The following RGS12 variants were observed in gnomAD, a reference collection of about 807,000 sequenced individuals.
The protein encoded by RGS12 is regulator of G-protein signaling 12.
In RGS12, 66 loss-of-function variants were observed where a neutral mutation model predicts 120.1. The ratio of observed to expected loss-of-function variants is 0.55; its 90% CI spans 0.45 to 0.67. The LOEUF (loss-of-function observed/expected upper bound fraction) is 0.67, where lower values mean the gene tolerates loss of function less well. Among genes scored for constraint, RGS12 ranks in the 30% least tolerant of loss-of-function variants. RGS12 has a pLI of 0.00. For synonymous variants in RGS12, 827 were observed against 804.7 expected, an observed-to-expected ratio of 1.03 and a Z score of -0.47; for missense variants, 1,859 against 1,957.7, an observed-to-expected ratio of 0.95 and a Z score of 0.95.
At chr4:3,362,543 G>GT (rs1227732523) in intron 3 of RGS12, among the ~76,000 whole-genome samples, 2 of 137,100 alleles carry the variant, frequency 1.5e-5, no homozygotes, top group African/African-American at 5.5e-5. Flanking sequence ...GTGAGGGTTT[G>GT]TGTGAGGGTG....
chr4:3,383,193 C>G (rs1009304964), intron 3 of RGS12, among the ~76,000 whole-genome samples: 1 of 152,188 alleles, frequency 6.6e-6, no homozygotes, highest in Non-Finnish European at 1.5e-5. Flanking sequence ...GTGGCTGAGG[C>G]TCACTGCGGG....
intron 12 of RGS12, 50 bp downstream of exon 12, chr4:3,423,028 G>T (rs780228212): frequency 6.8e-7 from 1 of 1,461,010 alleles, no homozygotes; most frequent in Non-Finnish European, 9.6e-7. Context: ...AGCCAACCCC[G>T]TGTGCCCACC....
At chr4:3,333,105 G>A (rs1271819889) in intron 2 of RGS12, among the ~76,000 whole-genome samples, 1 of 150,424 alleles carries the variant, frequency 6.6e-6, no homozygotes, top group African/African-American at 2.5e-5. Context: ...CTGGAGTGCA[G>A]TGGCGCGATC....
In RGS12 at chr4:3,316,074, C is replaced by A. The variant is rs1560652242; in HGVS notation, c.-97C>A. ...CTGTTCGTTTTTCTTTCTTAGGGCA[C>A]TGTTTGAAGAAGCAAACATGGTAGC... On this transcript the variant is annotated 5_prime_UTR_variant, in exon 2 of 18. In the 5' UTR this introduces an upstream ATG that the reference lacks. Coordinates refer to ENST00000336727, the MANE Select transcript of RGS12 (RefSeq NM_001394154.1). 5 of 1,267,996 alleles carry A rather than the reference C, an allele frequency of 3.9e-6. No homozygotes were observed. 78.5% of individuals were successfully genotyped at this position (1,267,996 alleles called of 1,614,324 possible).
At chr4:3,371,481 C>T (rs1167603469) in intron 3 of RGS12, among the ~76,000 whole-genome samples, 1 of 152,032 alleles carries the variant, frequency 6.6e-6, no homozygotes, top group Non-Finnish European at 1.5e-5. Flanking sequence ...TTTTTTATTC[C>T]GAGTAAAGTC....
chr4:3,335,963 G>A (rs543349379), intron 2 of RGS12, among the ~76,000 whole-genome samples: 20 of 152,260 alleles, frequency 1.3e-4, no homozygotes, highest in African/African-American at 4.8e-4. Flanking sequence ...ATGGTGGTGC[G>A]TGCCTGTAGT....
At chr4:3,312,429 C>T (rs56695034) in intron 1 of RGS12, 3,229 of 206,442 alleles carry the variant, frequency 0.016, 87 homozygotes, top group African/African-American at 0.057. Context: ...ACGTGGTGAA[C>T]ACTGTGGACC....
intron 3 of RGS12, among the ~76,000 whole-genome samples, chr4:3,352,734 G>A (rs1714481579): frequency 6.6e-6 from 1 of 152,210 alleles, no homozygotes; most frequent in African/African-American, 2.4e-5. Context: ...GCGTATGTGT[G>A]TAAGGTTGTT....
intron 17 of RGS12, chr4:3,431,549 T>G: frequency 2.0e-6 from 2 of 985,984 alleles, no homozygotes; most frequent in South Asian, 4.7e-5. Context: ...CGGGCATTTC[T>G]CAAAGGAAGC....
upstream of RGS12, among the ~76,000 whole-genome samples, chr4:3,291,638 C>G (rs1370279802): frequency 2.0e-5 from 3 of 152,212 alleles, no homozygotes; most frequent in African/African-American, 7.2e-5. Context: ...CGAGTCACCG[C>G]GCCTGGCCTC....
At chr4:3,414,640 C>G in intron 5 of RGS12, 112 bp from the exon 6 acceptor site, 1 of 783,814 alleles carries the variant, frequency 1.3e-6, no homozygotes, top group Non-Finnish European at 2.2e-6. Context: ...CTCTCCAGGC[C>G]CTCGGGCAGC....
intron 17 of RGS12, chr4:3,432,176 G>A (rs1265111705): frequency 1.0e-6 from 1 of 985,058 alleles, no homozygotes; most frequent in Admixed American, 6.1e-5. Flanking sequence ...ATCATCACTG[G>A]ACTGGCTTAC....
chr4:3,380,811 C>T (rs1471241120), intron 3 of RGS12, among the ~76,000 whole-genome samples: 2 of 152,212 alleles, frequency 1.3e-5, no homozygotes, highest in African/African-American at 2.4e-5. Context: ...CCCTCCTCGG[C>T]CTCCAGGCCT....
intron 7 of RGS12, among the ~76,000 whole-genome samples, chr4:3,416,519 C>T (rs757966159): frequency 5.3e-5 from 8 of 152,192 alleles, no homozygotes; most frequent in East Asian, 1.9e-4. Flanking sequence ...CTGTGCATGT[C>T]GCTGCGGCAC....
At chr4:3,375,004 G>T (rs975208677) in intron 3 of RGS12, among the ~76,000 whole-genome samples, 1 of 152,116 alleles carries the variant, frequency 6.6e-6, no homozygotes, top group Admixed American at 6.5e-5. Flanking sequence ...CTCAGCTTGC[G>T]TTTGCCATGC....
At chr4:3,382,864 C>A (rs1718409386) in intron 3 of RGS12, among the ~76,000 whole-genome samples, 1 of 152,168 alleles carries the variant, frequency 6.6e-6, no homozygotes, top group Non-Finnish European at 1.5e-5. Flanking sequence ...TCTGCTTCAG[C>A]CTTTGTTTCT....
intron 4 of RGS12, among the ~76,000 whole-genome samples, chr4:3,407,064 T>C (rs1207915508): frequency 6.6e-6 from 1 of 152,256 alleles, no homozygotes; most frequent in Non-Finnish European, 1.5e-5. Context: ...AGTTAAAAAC[T>C]ATACAAAAAG....
intron 1 of RGS12, among the ~76,000 whole-genome samples, chr4:3,306,282 T>C (rs887690786): frequency 2.6e-5 from 4 of 152,046 alleles, no homozygotes; most frequent in Admixed American, 6.5e-5. Context: ...GGCTGGAGCA[T>C]TGGGGGCCGC....
At chr4:3,369,909 G>T (rs1716784208) in intron 3 of RGS12, 1 of 571,940 alleles carries the variant, frequency 1.7e-6, no homozygotes. Context: ...TGTAATTAAG[G>T]TTGTGAACTG....
Sources: allele counts gnomAD v4.1 joint callset (sites outside exome capture counted in the v4.1 genomes callset), GRCh38; gene constraint gnomAD v4.1.1; transcripts MANE v1.5; gene names NCBI Gene and HGNC (gene_info 2026-07-23, HGNC 2026-07-21).